The following EPB41L2 variants were observed in gnomAD, a reference collection of about 807,000 sequenced individuals.
EPB41L2 encodes band 4.1-like protein 2.
In EPB41L2, 43 loss-of-function variants were observed where a neutral mutation model predicts 113.0. That is an observed-to-expected ratio of 0.38 (90% CI 0.30 to 0.49). The LOEUF is 0.49. Ranked by LOEUF, EPB41L2 falls within the 20% of genes least tolerant of loss-of-function variation. The pLI, the probability that EPB41L2 is intolerant of heterozygous loss-of-function variation, is 0.95. For synonymous variants in EPB41L2, 442 were observed against 436.7 expected, an observed-to-expected ratio of 1.01 and a Z score of -0.15; for missense variants, 1,147 against 1,223.4, an observed-to-expected ratio of 0.94 and a Z score of 0.93.
At chr6:130,853,608 C>G (rs1453810596) in intron 19 of EPB41L2, among the ~76,000 whole-genome samples, 1 of 152,168 alleles carries the variant, frequency 6.6e-6, no homozygotes, top group Non-Finnish European at 1.5e-5. Flanking sequence ...CTCTGCCTCA[C>G]AGCTGGCTGC....
chr6:130,894,869 A>G (rs1794129131), intron 9 of EPB41L2, 98 bp downstream of exon 9: 1 of 1,269,820 alleles, frequency 7.9e-7, no homozygotes, highest in Non-Finnish European at 1.1e-6. Context: ...TAAATAGTTT[A>G]TTTTCTTAAA....
intron 4 of EPB41L2, 97 bp downstream of exon 4, chr6:130,926,507 TA>T: frequency 1.1e-6 from 1 of 874,880 alleles, no homozygotes. Flanking sequence ...AATAAACACC[TA>T]AGTTATTTTA....
intron 4 of EPB41L2, among the ~76,000 whole-genome samples, chr6:130,918,609 T>C (rs1169998265): frequency 6.6e-6 from 1 of 152,162 alleles, no homozygotes; most frequent in African/African-American, 2.4e-5. Context: ...AGATTTTTCA[T>C]ACCTAGAATG....
intron 1 of EPB41L2, among the ~76,000 whole-genome samples, chr6:130,979,643 T>TGTGGGAGTAA (rs1778939900): frequency 6.6e-6 from 1 of 152,152 alleles, no homozygotes; most frequent in African/African-American, 2.4e-5. Context: ...TTAATTGGAT[T>TGTGGGAGTAA]GTGGGAGTAA....
intron 11 of EPB41L2, 145 bp downstream of exon 11, chr6:130,890,146 TGTA>T (rs1373027775): frequency 2.9e-6 from 2 of 688,102 alleles, no homozygotes; most frequent in Non-Finnish European, 4.5e-6. Flanking sequence ...CTCTTGTAGG[TGTA>T]AGTAATAGCA....
Position 130,904,535 on chromosome 6 carries a change from G to A in EPB41L2, c.859C>T (p.Pro287Ser). 6.3e-7 allele frequency: 1 copy of A among 1,597,742 alleles called. No individual in the cohort carries two copies. The highest frequency in any genetic ancestry group is 8.6e-7 in the Non-Finnish European group (1 of 1,167,966). The change falls in exon 6 of 20, where the codon CCA (proline) becomes TCA (serine). Residue 287 changes from proline (P) to serine (S), a missense_variant. Physicochemically the swap from Pro to Ser is moderately conservative, Grantham distance 74. Transcript: ENST00000337057. ...TTCACATTAAAAGTGAATAGCCATG[G>A]AAGGTCTGTAATTATTAAATATCAC... ...KEIKRQLRNLPWLFTFNVKFY... is the reference protein window; with the variant it reads ...KEIKRQLRNLSWLFTFNVKFY...
At chr6:131,012,041 C>A (rs548537097) in intron 1 of EPB41L2, among the ~76,000 whole-genome samples, 1 of 152,196 alleles carries the variant, frequency 6.6e-6, no homozygotes, top group East Asian at 1.9e-4. Flanking sequence ...CCCATCTCTA[C>A]TAAAAATACA....
At chr6:130,917,694 A>G (rs1348368042) in intron 4 of EPB41L2, among the ~76,000 whole-genome samples, 2 of 152,208 alleles carry the variant, frequency 1.3e-5, no homozygotes. Context: ...TATACCTATT[A>G]CAACAGTCCT....
intron 17 of EPB41L2, 30 bp downstream of exon 17, chr6:130,865,506 C>G (rs1783454685): frequency 6.3e-7 from 1 of 1,594,800 alleles, no homozygotes; most frequent in Non-Finnish European, 8.6e-7. Context: ...ATGTACCATC[C>G]TCTCCATATG....
intron 1 of EPB41L2, among the ~76,000 whole-genome samples, chr6:131,043,547 C>T (rs1028626275): frequency 1.3e-5 from 2 of 151,976 alleles, no homozygotes; most frequent in African/African-American, 4.8e-5. Flanking sequence ...TATAGGACAA[C>T]CCAATTTCTT....
At chr6:130,967,627 C>A (rs954481541) in intron 1 of EPB41L2, among the ~76,000 whole-genome samples, 1 of 152,072 alleles carries the variant, frequency 6.6e-6, no homozygotes, top group Admixed American at 6.5e-5. Flanking sequence ...CATAAACATT[C>A]CCCAATCTCT....
At chr6:131,009,005 T>C (rs1458304053) in intron 1 of EPB41L2, among the ~76,000 whole-genome samples, 1 of 152,112 alleles carries the variant, frequency 6.6e-6, no homozygotes, top group Non-Finnish European at 1.5e-5. Flanking sequence ...CTTTGGGGGA[T>C]TGTTGGAAGG....
intron 13 of EPB41L2, among the ~76,000 whole-genome samples, chr6:130,879,157 CA>C (rs1211533528): frequency 6.6e-6 from 1 of 152,082 alleles, no homozygotes; most frequent in Non-Finnish European, 1.5e-5. Context: ...GCTTTCATCC[CA>C]CTTTAAGGAA....
chr6:130,904,588 G>T (rs1201322741), intron 5 of EPB41L2, 48 bp from the exon 6 acceptor site: 2 of 1,254,430 alleles, frequency 1.6e-6, no homozygotes, highest in South Asian at 1.4e-5. Flanking sequence ...ACAGAAGAAT[G>T]ACTATTGTGA....
chr6:130,926,189 G>C (rs1327165628), intron 4 of EPB41L2, among the ~76,000 whole-genome samples: 1 of 152,174 alleles, frequency 6.6e-6, no homozygotes, highest in Non-Finnish European at 1.5e-5. Context: ...TTAATACCTA[G>C]CATACAGGTG....
At chr6:130,986,587 CTT>C (rs368892146) in intron 1 of EPB41L2, among the ~76,000 whole-genome samples, 7 of 143,336 alleles carry the variant, frequency 4.9e-5, no homozygotes, top group African/African-American at 7.6e-5. Flanking sequence ...GGATTTTTTT[CTT>C]TTTTTTTTTT....
intron 1 of EPB41L2, among the ~76,000 whole-genome samples, chr6:130,998,567 CT>C (rs1783667312): frequency 6.6e-6 from 1 of 152,128 alleles, no homozygotes. Flanking sequence ...GGATACTAAA[CT>C]GATTATTCCT....
At chr6:130,888,482 C>T (rs182096160) in intron 11 of EPB41L2, among the ~76,000 whole-genome samples, 1 of 152,272 alleles carries the variant, frequency 6.6e-6, no homozygotes, top group Non-Finnish European at 1.5e-5. Context: ...TCCTTGAGCA[C>T]AGTTTGTATA....
chr6:131,014,903 C>G (rs1787837376), intron 1 of EPB41L2, among the ~76,000 whole-genome samples: 1 of 152,124 alleles, frequency 6.6e-6, no homozygotes. Flanking sequence ...GGGAAGAAAT[C>G]CGGAAAGCAA....
Sources: allele counts gnomAD v4.1 joint callset (sites outside exome capture counted in the v4.1 genomes callset), GRCh38; gene constraint gnomAD v4.1.1; transcripts MANE v1.5; gene names NCBI Gene and HGNC (gene_info 2026-07-23, HGNC 2026-07-21).